The following ALG12 variants were observed in gnomAD, a reference collection of about 807,000 sequenced individuals.
ALG12 encodes dol-P-Man:Man(7)GlcNAc(2)-PP-Dol alpha-1,6-mannosyltransferase.
In ALG12, 36 loss-of-function variants were observed where a neutral mutation model predicts 46.0. The observed-to-expected ratio is 0.78, with a 90% CI of 0.60 to 1.03. The LOEUF (loss-of-function observed/expected upper bound fraction) is 1.03, where lower values mean the gene tolerates loss of function less well. Among genes scored for constraint, ALG12 ranks in the 50% least tolerant of loss-of-function variants. ALG12 has a pLI of 0.00. For synonymous variants in ALG12, 326 were observed against 291.6 expected (o/e 1.12, Z -1.20); for missense variants, 599 against 633.5 (o/e 0.95, Z 0.58).
chr22:49,895,911 C>G (rs963879522), downstream of ALG12, among the ~76,000 whole-genome samples: 6 of 152,168 alleles, frequency 3.9e-5, no homozygotes, highest in African/African-American at 1.4e-4. Flanking sequence ...TTCACTCAGC[C>G]ATCAGTCCAC....
the ALG12 span, among the ~76,000 whole-genome samples, chr22:49,882,828 C>T: frequency 1.3e-5 from 2 of 152,222 alleles, no homozygotes; most frequent in African/African-American, 2.4e-5. Flanking sequence ...GACGCCTTTC[C>T]CTTCTCAGAT....
the ALG12 span, among the ~76,000 whole-genome samples, chr22:49,890,903 CCCAGCTACT>C: frequency 6.6e-6 from 1 of 152,086 alleles, no homozygotes; most frequent in Non-Finnish European, 1.5e-5. Context: ...CACCTCTAGT[CCCAGCTACT>C]CCAGCTACTC....
At chr22:49,886,216 C>T in the ALG12 span, 1 of 841,160 alleles carries the variant, frequency 1.2e-6, no homozygotes, top group Admixed American at 2.1e-5. This position sits in a 1 kb window ranked among gnomAD's most constrained non-coding sequence, Gnocchi z 7.7. Context: ...CCTGCTGAGC[C>T]TCGCCCGGAA....
chr22:49,898,157 C>G (rs2060491164), downstream of ALG12, among the ~76,000 whole-genome samples: 1 of 151,840 alleles, frequency 6.6e-6, no homozygotes. Flanking sequence ...TACACCATCA[C>G]ACCTGAATAA....
At chr22:49,893,410 A>AGAGG in the ALG12 span, among the ~76,000 whole-genome samples, 3 of 152,220 alleles carry the variant, frequency 2.0e-5, no homozygotes, top group Non-Finnish European at 4.4e-5. Context: ...AACCTTAAGC[A>AGAGG]GAGGGAGGGA....
At position 49,903,701 on chromosome 22, in the gene ALG12, G is replaced by T. The variant is rs1236441358; in HGVS notation, c.*137C>A. 4 of 991,902 alleles carry T rather than the reference G, an allele frequency of 4.0e-6. No homozygotes were observed. The African/African-American group carries it at 4.8e-5, about 12-fold the overall frequency. 61.4% of individuals were successfully genotyped at this position (991,902 alleles called of 1,614,324 possible). On this transcript the variant is annotated 3_prime_UTR_variant, in exon 10 of 10. Transcript: ENST00000330817. The stretch of plus-strand genomic sequence containing the variant: ...TGGAGGAGGCCCTGGACCTGGTCTG[G>T]TGTCTGTCAGAGGCAGGTGCCCAGT...
intron 7 of ALG12, among the ~76,000 whole-genome samples, chr22:49,907,412 C>A (rs573198718): frequency 2.6e-4 from 39 of 152,212 alleles, no homozygotes; most frequent in Non-Finnish European, 4.4e-4. Flanking sequence ...CCCATGCAGC[C>A]CTCAGGGAGG....
the ALG12 span, among the ~76,000 whole-genome samples, chr22:49,867,733 G>A: frequency 6.8e-5 from 10 of 147,498 alleles, no homozygotes; most frequent in Admixed American, 2.0e-4. Context: ...TACCATCTAG[G>A]CCTTGTAATA....
chr22:49,904,267 G>A lies in ALG12; in HGVS notation c.1163-13C>T. The stretch of plus-strand genomic sequence containing the variant: ...TGCAGAAGGACGTCTAGGAAAACCA[G>A]GCCTGCCGTCAGAGCCCAGCCCTGC... On this transcript the variant is annotated splice_polypyrimidine_tract_variant and intron_variant, in intron 8 of 9. Coordinates refer to ENST00000330817, the MANE Select transcript of ALG12 (RefSeq NM_024105.4). The A allele has an allele frequency of 6.2e-7, 1 of 1,614,120 alleles. No homozygotes were observed.
the ALG12 span, chr22:49,887,681 G>T: frequency 5.9e-6 from 1 of 169,468 alleles, no homozygotes; most frequent in Non-Finnish European, 1.4e-5. Flanking sequence ...TTAACCGCAG[G>T]TTCTAAAGTG....
At chr22:49,886,939 G>C in the ALG12 span, 1 of 1,614,100 alleles carries the variant, frequency 6.2e-7, no homozygotes, top group Non-Finnish European at 8.5e-7. The surrounding 1 kb of genome is among the most constrained non-coding windows in gnomAD (Gnocchi z 7.7). Flanking sequence ...GGAGGAGGAG[G>C]TGCTTGAACA....
the ALG12 span, chr22:49,885,212 G>T: frequency 6.2e-7 from 1 of 1,613,594 alleles, no homozygotes; most frequent in Non-Finnish European, 8.5e-7. Context: ...GGCTTCCTGG[G>T]TGCAAGTCTG....
chr22:49,899,631 G>A (rs1483404723), downstream of ALG12, among the ~76,000 whole-genome samples: 4 of 152,014 alleles, frequency 2.6e-5, no homozygotes, highest in African/African-American at 4.8e-5. Context: ...CAATCACCCC[G>A]CAGCCCAGCA....
At chr22:49,878,406 C>T in the ALG12 span, among the ~76,000 whole-genome samples, 2 of 151,770 alleles carry the variant, frequency 1.3e-5, no homozygotes, top group South Asian at 2.1e-4. Flanking sequence ...GTATAAACAC[C>T]GAAGAAGAGA....
At position 49,913,738 on chromosome 22, in the gene ALG12, G is replaced by T. The variant is rs148343441; in HGVS notation, c.28C>A (p.Arg10=). ...ACCAGCAGCCCCAGCAGCAGGGGCC[G>T]CCTGCCTGATGACCCCTTTCCAGCC... is the stretch of plus-strand genomic sequence containing the variant. MAGKGSSGR[R]PLLLGLLVAV... Residue 10 remains arginine (R), a synonymous_variant, in exon 2 of 10, where the codon CGG becomes AGG. Coordinates refer to ENST00000330817, the MANE Select transcript of ALG12 (RefSeq NM_024105.4). 1 of 1,613,584 alleles carries T rather than the reference G, an allele frequency of 6.2e-7. No individual in the cohort carries two copies. Among genetic ancestry groups the T allele is most frequent in the African/African-American group, 1.3e-5 (1 of 74,922 alleles).
rs374720789 is a variant in ALG12, at chr22:49,901,465, T to G, written c.*2373A>C. ...TATGCACACGTGTGTGCATGTGTGG[T>G]ATGTATGCATGGTGTGTGCACGTGT... On this transcript the variant is annotated 3_prime_UTR_variant, in exon 10 of 10. Coordinates refer to ENST00000330817, the MANE Select transcript of ALG12 (RefSeq NM_024105.4). The G allele has an allele frequency of 2.0e-5, 3 of 152,308 alleles. No individual in the cohort carries two copies. The highest frequency in any genetic ancestry group is 7.2e-5 in the African/African-American group (3 of 41,432). The allele number at this position is 152,308 out of a possible 1,614,324, so 9.4% of individuals were successfully genotyped here.
chr22:49,869,595 C>T, the ALG12 span, among the ~76,000 whole-genome samples: 1 of 152,166 alleles, frequency 6.6e-6, no homozygotes, highest in Non-Finnish European at 1.5e-5. Context: ...TCCTCTGTCT[C>T]CTGATTTACA....
the ALG12 span, chr22:49,887,257 G>A: frequency 4.1e-6 from 6 of 1,454,060 alleles, no homozygotes; most frequent in Non-Finnish European, 5.6e-6. Context: ...GACCCGCTCT[G>A]CCCACGGCTG....
the ALG12 span, among the ~76,000 whole-genome samples, chr22:49,890,738 C>T: frequency 6.6e-6 from 1 of 152,124 alleles, no homozygotes; most frequent in South Asian, 2.1e-4. Flanking sequence ...TTATTGTGGC[C>T]AGATGCGGTG....
Sources: gnomAD v4.1 joint callset for allele counts (sites outside exome capture counted in the v4.1 genomes callset) on GRCh38, gnomAD v4.1.1 for gene constraint, Gnocchi (gnomAD v3.1) non-coding constraint, MANE v1.5 for transcripts, NCBI Gene and HGNC (gene_info 2026-07-23, HGNC 2026-07-21) for gene names.